NRF1: variants seen among roughly 807,000 people sequenced by gnomAD.
NRF1 encodes alpha palindromic-binding protein.
In NRF1, 5 loss-of-function variants were observed where a neutral mutation model predicts 58.5. That is an observed-to-expected ratio of 0.09 (90% CI 0.04 to 0.18). The LOEUF (loss-of-function observed/expected upper bound fraction) is 0.18, where lower values mean the gene tolerates loss of function less well. Ranked by LOEUF, NRF1 falls within the 10% of genes least tolerant of loss-of-function variation. The probability of loss-of-function intolerance (pLI) is 1.00; values close to 1 mark genes in which losing one functional copy is unlikely to be tolerated. For synonymous variants in NRF1, 224 were observed against 246.7 expected (o/e 0.91, Z 0.86); for missense variants, 288 against 657.7 (o/e 0.44, Z 6.15).
chr7:129,630,786 TG>T, intron 1 of NRF1, among the ~76,000 whole-genome samples: 1 of 152,310 alleles, frequency 6.6e-6, no homozygotes, highest in African/African-American at 2.4e-5. Flanking sequence ...AGTGTAAAAT[TG>T]GGTGAGGGCA....
intron 8 of NRF1, among the ~76,000 whole-genome samples, chr7:129,715,718 A>G (rs1175782320): frequency 1.3e-5 from 2 of 152,234 alleles, no homozygotes; most frequent in Non-Finnish European, 2.9e-5. Context: ...GACTTGTTAA[A>G]TAAATCATGA....
chr7:129,680,392 C>T (rs138609262), intron 4 of NRF1, among the ~76,000 whole-genome samples: 142 of 152,296 alleles, frequency 9.3e-4, no homozygotes, highest in Non-Finnish European at 1.3e-3. Context: ...TTGTCAGTCT[C>T]TCAAAATGGT....
intron 4 of NRF1, among the ~76,000 whole-genome samples, chr7:129,681,243 C>T (rs1269873920): frequency 6.6e-6 from 1 of 152,132 alleles, no homozygotes; most frequent in African/African-American, 2.4e-5. Flanking sequence ...TAGAGATGCT[C>T]CCTTAGAGAC....
intron 5 of NRF1, among the ~76,000 whole-genome samples, chr7:129,701,660 G>A (rs1437419605): frequency 6.6e-6 from 1 of 152,022 alleles, no homozygotes; most frequent in African/African-American, 2.4e-5. Context: ...GAGGATGAAT[G>A]GGTATTGTCT....
intron 5 of NRF1, 45 bp downstream of exon 5, chr7:129,690,591 A>G (rs1481576870): frequency 6.2e-7 from 1 of 1,607,792 alleles, no homozygotes; most frequent in Non-Finnish European, 8.5e-7. Context: ...CAAGTGGCAC[A>G]GGTGTGGGCG....
intron 1 of NRF1, among the ~76,000 whole-genome samples, chr7:129,645,030 A>T (rs1465637398): frequency 6.6e-6 from 1 of 151,132 alleles, no homozygotes; most frequent in Non-Finnish European, 1.5e-5. Context: ...ATCTGTAAAC[A>T]TTATTTCACC....
At chr7:129,623,644 A>G (rs771103542) in intron 1 of NRF1, among the ~76,000 whole-genome samples, 1 of 152,132 alleles carries the variant, frequency 6.6e-6, no homozygotes, top group Non-Finnish European at 1.5e-5. Flanking sequence ...CCCTCTGGTA[A>G]CTGATTTGTT....
At chr7:129,708,139 T>TA (rs1331241034) in intron 5 of NRF1, among the ~76,000 whole-genome samples, 3 of 152,214 alleles carry the variant, frequency 2.0e-5, no homozygotes, top group Non-Finnish European at 4.4e-5. Context: ...GGATGCTACT[T>TA]ATATCTGGAG....
At chr7:129,612,981 G>A (rs1290417866) in intron 1 of NRF1, among the ~76,000 whole-genome samples, 2 of 152,212 alleles carry the variant, frequency 1.3e-5, no homozygotes, top group Non-Finnish European at 2.9e-5. Context: ...CATTAGATTA[G>A]AATATATTAA....
intron 8 of NRF1, among the ~76,000 whole-genome samples, chr7:129,714,336 G>A (rs1803140859): frequency 6.6e-6 from 1 of 152,224 alleles, no homozygotes; most frequent in Non-Finnish European, 1.5e-5. Context: ...TGCCTTTGGA[G>A]TTTGAGGACT....
intron 1 of NRF1, among the ~76,000 whole-genome samples, chr7:129,652,766 A>AT (rs1277955137): frequency 2.6e-5 from 4 of 151,750 alleles, no homozygotes; most frequent in Non-Finnish European, 2.9e-5. Flanking sequence ...AATTTTTTGT[A>AT]TTTTTTTAGT....
chr7:129,649,314 C>T (rs1801482451), intron 1 of NRF1, among the ~76,000 whole-genome samples: 1 of 152,082 alleles, frequency 6.6e-6, no homozygotes. Context: ...TTCCCCCCAC[C>T]CCACCCCGGG....
At chr7:129,641,399 C>G (rs1039368571) in intron 1 of NRF1, among the ~76,000 whole-genome samples, 1 of 152,122 alleles carries the variant, frequency 6.6e-6, no homozygotes, top group Non-Finnish European at 1.5e-5. Context: ...GTAAATACCC[C>G]CTTCACGTCC....
chr7:129,735,253 T>C (rs1359723943), intron 10 of NRF1: 20 of 985,240 alleles, frequency 2.0e-5, no homozygotes, highest in Non-Finnish European at 1.2e-6. Flanking sequence ...TTAAAGCTGC[T>C]GGGTGCGGTG....
At chr7:129,743,334 G>C (rs1257463764) in intron 10 of NRF1, among the ~76,000 whole-genome samples, 1 of 152,304 alleles carries the variant, frequency 6.6e-6, no homozygotes, top group African/African-American at 2.4e-5. Flanking sequence ...GAGCACCTTA[G>C]TAAAACAAGA....
chr7:129,627,872 G>A (rs1267489895), intron 1 of NRF1, among the ~76,000 whole-genome samples: 3 of 151,988 alleles, frequency 2.0e-5, no homozygotes, highest in Non-Finnish European at 4.4e-5. Flanking sequence ...TATATTGACA[G>A]CAGAGCTAAA....
At chr7:129,617,307 T>C (rs923949843) in intron 1 of NRF1, among the ~76,000 whole-genome samples, 3 of 152,236 alleles carry the variant, frequency 2.0e-5, no homozygotes, top group African/African-American at 7.2e-5. Context: ...TTGTTGCTGC[T>C]ACTGAATGCT....
At chr7:129,625,951 G>A (rs1296758839) in intron 1 of NRF1, among the ~76,000 whole-genome samples, 1 of 152,030 alleles carries the variant, frequency 6.6e-6, no homozygotes, top group Non-Finnish European at 1.5e-5. Flanking sequence ...CAAAGTGCTG[G>A]GATTACAAGC....
At chr7:129,694,701 T>A (rs1256077993) in intron 5 of NRF1, among the ~76,000 whole-genome samples, 2 of 152,134 alleles carry the variant, frequency 1.3e-5, no homozygotes, top group Admixed American at 1.3e-4. Context: ...CCTAAAGACT[T>A]TCACTATTAA....
Sources: allele counts gnomAD v4.1 joint callset (sites outside exome capture counted in the v4.1 genomes callset), GRCh38; gene constraint gnomAD v4.1.1; transcripts MANE v1.5; gene names NCBI Gene and HGNC (gene_info 2026-07-23, HGNC 2026-07-21).